Variants in ATF6 observed in about 807,000 individuals in gnomAD.
ATF6 encodes the protein cyclic AMP-dependent transcription factor ATF-6 alpha.
A neutral mutation model predicts 83.6 loss-of-function variants in ATF6; 53 were observed. That is an observed-to-expected ratio of 0.63 (90% CI 0.51 to 0.80). ATF6 has a LOEUF of 0.80. ATF6 is among the 30% of genes least tolerant of loss of function. The pLI, the probability that ATF6 is intolerant of heterozygous loss-of-function variation, is 0.00. For synonymous variants in ATF6, 288 were observed against 285.8 expected (o/e 1.01, Z -0.08); for missense variants, 744 against 797.9 (o/e 0.93, Z 0.81).
chr1:161,872,204 A>G (rs1687137114), intron 14 of ATF6, among the ~76,000 whole-genome samples: 3 of 151,572 alleles, frequency 2.0e-5, no homozygotes, highest in Non-Finnish European at 3.0e-5. Flanking sequence ...AAGGAAGAAA[A>G]AGTCCGCTGT....
chr1:161,925,471 C>A (rs1688294186), intron 15 of ATF6, among the ~76,000 whole-genome samples: 1 of 152,146 alleles, frequency 6.6e-6, no homozygotes, highest in Non-Finnish European at 1.5e-5. Context: ...GTTCCTTACT[C>A]AATAAACATT....
At chr1:161,917,712 G>A (rs924037427) in intron 15 of ATF6, among the ~76,000 whole-genome samples, 7 of 152,136 alleles carry the variant, frequency 4.6e-5, no homozygotes, top group Admixed American at 6.5e-5. Context: ...GAGCCACCGC[G>A]CCCGGCCTTT....
intron 14 of ATF6, among the ~76,000 whole-genome samples, chr1:161,873,643 T>G (rs1687158459): frequency 6.6e-6 from 1 of 151,622 alleles, no homozygotes; most frequent in African/African-American, 2.4e-5. Flanking sequence ...CTGCTAGTCT[T>G]CTATAAAGAT....
At chr1:161,788,797 G>A (rs1164443580) in intron 4 of ATF6, among the ~76,000 whole-genome samples, 3 of 151,926 alleles carry the variant, frequency 2.0e-5, no homozygotes, top group African/African-American at 7.3e-5. Flanking sequence ...TTTCCTAACT[G>A]TATTGTCTTT....
intron 15 of ATF6, among the ~76,000 whole-genome samples, chr1:161,917,437 T>G (rs1424042268): frequency 2.2e-5 from 3 of 136,130 alleles, no homozygotes; most frequent in Non-Finnish European, 4.9e-5. Flanking sequence ...TTTTTTTTTT[T>G]GAAGGCAGAG....
At position 161,784,089 on chromosome 1, in the gene ATF6, A is replaced by G. The variant is rs371893818; in HGVS notation, c.347A>G (p.His116Arg). ...GTGGACTCTTATTCTTCAACTCAGC[A>G]TGTTCCTGTGAGTAGCCAGTCTTTT... is the stretch of plus-strand genomic sequence containing the variant. The part of the protein sequence containing the change: ...RSVDSYSSTQ[H>R]VPEELDLSSS... The change falls in exon 4 of 16, where the codon CAT becomes CGT. Residue 116 changes from histidine (H) to arginine (R), a missense_variant. Transcript: ENST00000367942. 1 of 1,608,874 alleles carries G rather than the reference A, an allele frequency of 6.2e-7. No homozygotes were observed. The highest frequency in any genetic ancestry group is 1.3e-5 in the African/African-American group (1 of 74,816).
intron 14 of ATF6, among the ~76,000 whole-genome samples, chr1:161,885,164 T>C (rs1406723412): frequency 6.6e-6 from 1 of 152,212 alleles, no homozygotes; most frequent in African/African-American, 2.4e-5. Context: ...AGAAGTTTTA[T>C]GCTTAGGCAT....
chr1:161,912,274 GA>G, intron 14 of ATF6, 21 bp from the exon 15 acceptor site: 1 of 1,580,304 alleles, frequency 6.3e-7, no homozygotes, highest in Non-Finnish European at 8.6e-7. Context: ...ATATATAACA[GA>G]TTGTTCTTTG....
At chr1:161,852,954 C>T (rs1686667670) in intron 11 of ATF6, among the ~76,000 whole-genome samples, 1 of 152,114 alleles carries the variant, frequency 6.6e-6, no homozygotes, top group Non-Finnish European at 1.5e-5. Flanking sequence ...CCTTAGCATC[C>T]AGTGTTTATA....
intron 14 of ATF6, chr1:161,891,622 T>G (rs1324770840): frequency 1.3e-5 from 2 of 152,186 alleles, no homozygotes; most frequent in Non-Finnish European, 2.9e-5. Flanking sequence ...GATGTAATCC[T>G]TAAAAACATT....
chr1:161,903,067 A>G (rs1013037346), intron 14 of ATF6, among the ~76,000 whole-genome samples: 1 of 151,844 alleles, frequency 6.6e-6, no homozygotes, highest in Non-Finnish European at 1.5e-5. Flanking sequence ...TTAAACTTTA[A>G]TTTAATTTAA....
intron 7 of ATF6, among the ~76,000 whole-genome samples, chr1:161,805,928 C>T (rs771697627): frequency 1.3e-5 from 2 of 152,040 alleles, no homozygotes; most frequent in African/African-American, 2.4e-5. Flanking sequence ...CCTGCTACAG[C>T]CATAAGTAGC....
At chr1:161,832,752 G>T (rs948876360) in intron 9 of ATF6, among the ~76,000 whole-genome samples, 32 of 152,338 alleles carry the variant, frequency 2.1e-4, no homozygotes, top group African/African-American at 7.2e-4. Flanking sequence ...AAACAAAGCA[G>T]CTGGGAAGCT....
intron 7 of ATF6, among the ~76,000 whole-genome samples, chr1:161,816,166 C>A (rs1292531799): frequency 1.3e-5 from 2 of 152,038 alleles, no homozygotes; most frequent in African/African-American, 4.8e-5. Flanking sequence ...TTCTTTTGTC[C>A]TTTTTACTTT....
intron 7 of ATF6, among the ~76,000 whole-genome samples, chr1:161,805,074 C>T (rs1685245662): frequency 6.6e-6 from 1 of 152,104 alleles, no homozygotes; most frequent in Admixed American, 6.5e-5. Flanking sequence ...ACACATCCCC[C>T]AGTTCTTCAA....
chr1:161,943,195 TG>T (rs879893218), intron 15 of ATF6, among the ~76,000 whole-genome samples: 1 of 152,086 alleles, frequency 6.6e-6, no homozygotes, highest in Non-Finnish European at 1.5e-5. Context: ...ATGTCAAGAT[TG>T]AGACCAGGTG....
At chr1:161,862,898 ATCTC>A (rs543666033) in intron 13 of ATF6, among the ~76,000 whole-genome samples, 20 of 152,308 alleles carry the variant, frequency 1.3e-4, no homozygotes, top group East Asian at 1.9e-4. Flanking sequence ...CTATGCAGAA[ATCTC>A]TCTATTTTCT....
intron 9 of ATF6, 31 bp downstream of exon 9, chr1:161,821,192 A>G: frequency 8.4e-6 from 12 of 1,432,844 alleles, no homozygotes; most frequent in Non-Finnish European, 1.1e-5. Context: ...TTTGGACACT[A>G]ATGCTAAAAA....
rs145533461 is a variant in ATF6, at chr1:161,829,088, G to A, written c.1187+7927G>A. On this transcript the variant is annotated intron_variant, in intron 9 of 15. Coordinates refer to ENST00000367942, the MANE Select transcript of ATF6 (RefSeq NM_007348.4). ...AATTCAACAAGAAGAGCTAACTATCGTAAATATATATGCATCCAATGCGGG... is the reference window on the plus strand; with the variant it reads ...AATTCAACAAGAAGAGCTAACTATCATAAATATATATGCATCCAATGCGGG... 3.2e-4 allele frequency among the ~76,000 whole-genome samples: 48 copies of A among 151,132 alleles called. 1 individual carries two copies. In the East Asian group the frequency reaches 8.8e-3, roughly 28 times the overall value.
Sources: gnomAD v4.1 joint callset for allele counts (sites outside exome capture counted in the v4.1 genomes callset) on GRCh38, gnomAD v4.1.1 for gene constraint, MANE v1.5 for transcripts, NCBI Gene and HGNC (gene_info 2026-07-23, HGNC 2026-07-21) for gene names.